LOXL2: variants seen among roughly 807,000 people sequenced by gnomAD.
The protein encoded by LOXL2 is lysyl oxidase like 2.
Under a neutral mutation model 93.0 loss-of-function variants are expected in LOXL2, and 70 were observed. The observed-to-expected ratio is 0.75, with a 90% CI of 0.62 to 0.92. The LOEUF is 0.92. LOXL2 is among the 40% of genes least tolerant of loss of function. The probability of loss-of-function intolerance (pLI) is 0.00; values close to 1 mark genes in which losing one functional copy is unlikely to be tolerated. For synonymous variants in LOXL2, 438 were observed against 413.2 expected, an observed-to-expected ratio of 1.06 and a Z score of -0.73; for missense variants, 973 against 1,054.9, an observed-to-expected ratio of 0.92 and a Z score of 1.08.
In LOXL2 at chr8:23,319,443, C is replaced by A. The variant is rs79538257; in HGVS notation, c.1470+442G>T. The stretch of plus-strand genomic sequence containing the variant: ...TTAGGCACAGATGCCAGCGGGGAAA[C>A]GTGTTCAGACCAGAGCGGGTTTCAA... On this transcript the variant is annotated intron_variant, in intron 8 of 13. Coordinates refer to ENST00000389131, the MANE Select transcript of LOXL2 (RefSeq NM_002318.3). Among the ~76,000 whole-genome samples, 91 of 152,248 alleles carry A rather than the reference C, an allele frequency of 6.0e-4. No homozygotes were observed. In the Middle Eastern group the frequency reaches 0.01, roughly 17 times the overall value.
chr8:23,393,348 G>A (rs756238517), intron 1 of LOXL2, among the ~76,000 whole-genome samples: 3 of 152,196 alleles, frequency 2.0e-5, no homozygotes, highest in African/African-American at 4.8e-5. Context: ...ACTGGGATAC[G>A]GAGAGACATA....
intron 1 of LOXL2, among the ~76,000 whole-genome samples, chr8:23,379,716 G>C (rs533528376): frequency 6.6e-6 from 1 of 152,180 alleles, no homozygotes; most frequent in Non-Finnish European, 1.5e-5. Context: ...GTGAGGCTCC[G>C]TGGGCGTGGG....
intron 8 of LOXL2, among the ~76,000 whole-genome samples, chr8:23,318,457 ACAC>A (rs766040218): frequency 5.3e-4 from 66 of 124,912 alleles, no homozygotes; most frequent in Non-Finnish European, 8.3e-4. Flanking sequence ...ACACACACAC[ACAC>A]AAAAATACAC....
At chr8:23,328,328 C>T in intron 6 of LOXL2, 54 bp downstream of exon 6, 1 of 1,585,300 alleles carries the variant, frequency 6.3e-7, no homozygotes, top group African/African-American at 1.3e-5. Context: ...AGGCTGGGCT[C>T]ACGGCACCAT....
At position 23,322,193 on chromosome 8, in the gene LOXL2, G is replaced by A. The variant is rs776333766; in HGVS notation, c.1239C>T (p.Gly413=). Residue 413 remains glycine (G), a synonymous_variant, in exon 7 of 14, where the codon GGC becomes GGT. Transcript: ENST00000389131. ...CACCAGCATCCTCCTCGTGGTTGCA[G>A]CCCTGAGACTCGGCATTGAACTTGC... The part of the protein sequence containing the change: ...IDCKFNAESQ[G]CNHEEDAGVR... 1.2e-6 allele frequency: 2 copies of A among 1,614,212 alleles called. No individual in the cohort carries two copies. The highest frequency in any genetic ancestry group is 1.7e-5 in the Admixed American group (1 of 60,030).
At position 23,354,932 on chromosome 8, in the gene LOXL2, A is replaced by AATATATAT. The variant is rs770424807; in HGVS notation, c.531+5150_531+5157dup. Among the ~76,000 whole-genome samples the AATATATAT allele has an allele frequency of 7.8e-4, 46 of 59,182 alleles. 1 individual carries two copies. The highest frequency in any genetic ancestry group is 2.3e-3 in the African/African-American group (25 of 10,852). The allele number at this position is 59,182 out of a possible 152,430, so 38.8% of individuals were successfully genotyped here. A position where few individuals can be genotyped will look rare whatever the true frequency, so the allele number is the denominator to read the frequency against. On this transcript the variant is annotated intron_variant, in intron 3 of 13. Transcript: ENST00000389131. The stretch of plus-strand genomic sequence containing the variant: ...TCTCCGCCTTGGCTCTGGGAGTTGG[A>AATATATAT]ATATATATATATATATATTTTTTTT...
At chr8:23,328,646 C>A (rs1322869382) in intron 5 of LOXL2, 81 bp from the exon 6 acceptor site, 3 of 1,366,240 alleles carry the variant, frequency 2.2e-6, no homozygotes, top group African/African-American at 1.4e-5. Flanking sequence ...CCCTCCCTTC[C>A]CTGCCACCCT....
intron 1 of LOXL2, among the ~76,000 whole-genome samples, chr8:23,384,363 C>G (rs552914600): frequency 6.6e-6 from 1 of 152,148 alleles, no homozygotes; most frequent in South Asian, 2.1e-4. Context: ...CATGGGTGCT[C>G]CAGAGGGGCT....
At chr8:23,362,978 GTGATGTGGTC>G (rs1379774088) in intron 2 of LOXL2, 1 of 152,182 alleles carries the variant, frequency 6.6e-6, no homozygotes, top group African/African-American at 2.4e-5. Context: ...GGGGCACTGT[GTGATGTGGTC>G]GACTACCTCA....
intron 1 of LOXL2, among the ~76,000 whole-genome samples, chr8:23,400,845 G>T (rs1012548350): frequency 2.0e-5 from 3 of 152,188 alleles, no homozygotes; most frequent in Non-Finnish European, 4.4e-5. Flanking sequence ...AGAGAGGGCA[G>T]CTCTGAGCCC....
chr8:23,379,922 A>G (rs1804653436), intron 1 of LOXL2, among the ~76,000 whole-genome samples: 1 of 150,740 alleles, frequency 6.6e-6, no homozygotes, highest in African/African-American at 2.4e-5. Flanking sequence ...TTCGGCTCAC[A>G]CTCTGCGGGC....
chr8:23,297,725 G>C lies in LOXL2; in HGVS notation c.*318C>G. 1 of 227,458 alleles carries C rather than the reference G, an allele frequency of 4.4e-6. No homozygotes were observed. 14.1% of individuals were successfully genotyped at this position (227,458 alleles called of 1,614,324 possible). A position where few individuals can be genotyped will look rare whatever the true frequency, so the allele number is the denominator to read the frequency against. On this transcript the variant is annotated 3_prime_UTR_variant, in exon 14 of 14. Coordinates refer to ENST00000389131, the MANE Select transcript of LOXL2 (RefSeq NM_002318.3). Reference sequence around the variant, plus strand: ...GTGTCTGTGGTGAGCTCGGTGGCTTGAATGGGACAAGCTGATGACAACCTG... The same window carrying C: ...GTGTCTGTGGTGAGCTCGGTGGCTTCAATGGGACAAGCTGATGACAACCTG...
chr8:23,309,072 C>T (rs573990365), intron 10 of LOXL2, among the ~76,000 whole-genome samples: 3 of 151,644 alleles, frequency 2.0e-5, no homozygotes, highest in South Asian at 4.2e-4. Context: ...GCAACCTCCG[C>T]CTCCTGGGTT....
intron 3 of LOXL2, among the ~76,000 whole-genome samples, chr8:23,355,052 G>T (rs895233440): frequency 6.8e-6 from 1 of 146,464 alleles, no homozygotes. Context: ...TCCCTCTCCC[G>T]GGTTCAACCT....
intron 8 of LOXL2, 71 bp downstream of exon 8, chr8:23,319,814 G>A: frequency 1.3e-6 from 2 of 1,507,126 alleles, no homozygotes; most frequent in African/African-American, 1.4e-5. Flanking sequence ...TGGGAGAGGG[G>A]GGCTGACTGA....
In LOXL2 at chr8:23,319,976, C is replaced by T. The variant is rs368809564; in HGVS notation, c.1379G>A (p.Trp460Ter). 15 of 1,613,986 alleles carry T rather than the reference C, an allele frequency of 9.3e-6. No individual in the cohort carries two copies. Among genetic ancestry groups the T allele is most frequent in the African/African-American group, 1.3e-5 (1 of 74,920 alleles). The change falls in exon 8 of 14, where the codon TGG becomes TAG. Residue 460 changes from tryptophan (W) to a stop codon, truncating the protein, a stop_gained. Coordinates refer to ENST00000389131, the MANE Select transcript of LOXL2 (RefSeq NM_002318.3). LOFTEE classifies it high-confidence loss of function. The stretch of plus-strand genomic sequence containing the variant: ...CCAGTTTTGGCCACACACCATCCCC[C>T]ACACAAGGGACCCGTTTCTCTCCAC... ...VLVERNGSLV[W>*]GMVCGQNWGI...
chr8:23,387,913 C>T (rs1804788030), intron 1 of LOXL2, among the ~76,000 whole-genome samples: 1 of 152,166 alleles, frequency 6.6e-6, no homozygotes, highest in Non-Finnish European at 1.5e-5. Flanking sequence ...CACGCCATTG[C>T]ACTCCAGCCC....
chr8:23,351,991 T>C (rs1472197397), intron 3 of LOXL2, among the ~76,000 whole-genome samples: 1 of 152,204 alleles, frequency 6.6e-6, no homozygotes, highest in East Asian at 1.9e-4. Context: ...TTTGTATTTT[T>C]AGTAGAGATG....
Position 23,302,173 on chromosome 8 carries a change from G to A in LOXL2, c.1997-10C>T, listed in dbSNP as rs761413929. 3.7e-6 allele frequency: 6 copies of A among 1,613,730 alleles called. No homozygotes were observed. In the African/African-American group the frequency reaches 5.3e-5, roughly 14 times the overall value. On this transcript the variant is annotated splice_polypyrimidine_tract_variant and intron_variant, in intron 11 of 13. Transcript: ENST00000389131. Reference sequence around the variant, plus strand: ...TAATTCTTCTGGATGTCTGCGGGCAGGGTAGAGGAGAGCTCATCACCAGGG... The same window carrying A: ...TAATTCTTCTGGATGTCTGCGGGCAAGGTAGAGGAGAGCTCATCACCAGGG...
Sources: gnomAD v4.1 joint callset for allele counts (sites outside exome capture counted in the v4.1 genomes callset) on GRCh38, gnomAD v4.1.1 for gene constraint, MANE v1.5 for transcripts, NCBI Gene and HGNC (gene_info 2026-07-23, HGNC 2026-07-21) for gene names.